LY75: variants seen among roughly 807,000 people sequenced by gnomAD.
The protein encoded by LY75 is lymphocyte antigen 75, also known as C-type lectin domain family 13 member B.
LY75 carries 185 observed loss-of-function variants against 231.7 expected under a neutral mutation model. The ratio of observed to expected loss-of-function variants is 0.80; its 90% CI spans 0.71 to 0.90. The LOEUF (loss-of-function observed/expected upper bound fraction) is 0.90. Ranked by LOEUF, LY75 falls within the 40% of genes least tolerant of loss-of-function variation. The probability of loss-of-function intolerance (pLI) is 0.00; values close to 1 mark genes in which losing one functional copy is unlikely to be tolerated. For synonymous variants in LY75, 668 were observed against 689.0 expected (o/e 0.97, Z 0.48); for missense variants, 1,947 against 2,050.2 (o/e 0.95, Z 0.97).
intron 17 of LY75, 116 bp from the exon 18 acceptor site, chr2:159,854,651 G>A: frequency 7.7e-7 from 1 of 1,292,392 alleles, no homozygotes; most frequent in Non-Finnish European, 1.1e-6. Context: ...GGCCCTCTCT[G>A]GCTGGGGCAG....
intron 12 of LY75, among the ~76,000 whole-genome samples, chr2:159,874,073 AAT>A (rs1330984774): frequency 7.8e-5 from 5 of 64,106 alleles, no homozygotes; most frequent in East Asian, 8.0e-4. Flanking sequence ...ATTTTGTAAA[AAT>A]ATATAAACGT....
intron 1 of LY75, among the ~76,000 whole-genome samples, chr2:159,899,713 C>T (rs1686015891): frequency 6.6e-6 from 1 of 152,180 alleles, no homozygotes; most frequent in Non-Finnish European, 1.5e-5. Flanking sequence ...TTCTTAAAGA[C>T]CACTTCCCCC....
At position 159,831,768 on chromosome 2, in the gene LY75, A is replaced by G; in HGVS notation, c.3860T>C (p.Leu1287Pro). Residue 1287 changes from leucine (L) to proline (P), a missense_variant, in exon 28 of 35, where the codon CTG becomes CCG. Transcript: ENST00000263636. ...ATTCTCCTTTTCATCTCGAATACTC[A>G]GAATATGTGATTTTGGATCTGTTGA... ...CQKLNPKSHILSIRDEKENNF... is the reference protein window; with the variant it reads ...CQKLNPKSHIPSIRDEKENNF... The G allele has an allele frequency of 6.2e-7, 1 of 1,608,680 alleles. No individual in the cohort carries two copies. The highest frequency in any genetic ancestry group is 8.5e-7 in the Non-Finnish European group (1 of 1,178,300).
intron 28 of LY75, among the ~76,000 whole-genome samples, chr2:159,825,437 A>T (rs1683431485): frequency 6.6e-6 from 1 of 152,232 alleles, no homozygotes; most frequent in Admixed American, 6.5e-5. Context: ...ATAAGCCAAT[A>T]ACAAGTTCTG....
chr2:159,860,882 G>C lies in LY75; in HGVS notation c.2207C>G (p.Thr736Ser). The change falls in exon 15 of 35, where the codon ACT becomes AGT. Residue 736 changes from threonine (T) to serine (S), a missense_variant. By Grantham distance (58) the Thr-to-Ser change is moderately conservative. Coordinates refer to ENST00000263636, the MANE Select transcript of LY75 (RefSeq NM_002349.4). Reference protein sequence around the residue: ...WQWSDRTPVSTIIMPNEFQQD... With the variant: ...WQWSDRTPVSSIIMPNEFQQD... ...CTGAAACTCATTTGGCATGATAATAGTAGACACCTGAAAAGACAAGAGAGG... is the reference window on the plus strand; with the variant it reads ...CTGAAACTCATTTGGCATGATAATACTAGACACCTGAAAAGACAAGAGAGG... The C allele has an allele frequency of 6.2e-7, 1 of 1,613,922 alleles. No homozygotes were observed. The highest frequency in any genetic ancestry group is 1.1e-5 in the South Asian group (1 of 91,080).
intron 6 of LY75, among the ~76,000 whole-genome samples, chr2:159,882,525 A>G (rs77271468): frequency 0.047 from 7,095 of 152,316 alleles, 220 homozygotes; most frequent in Non-Finnish European, 0.075. Flanking sequence ...TCAGAAAATG[A>G]TGTGACTTTA....
chr2:159,827,262 A>G (rs577418801), intron 28 of LY75, among the ~76,000 whole-genome samples: 10 of 152,358 alleles, frequency 6.6e-5, no homozygotes, highest in Non-Finnish European at 1.3e-4. Context: ...CAAATTTACA[A>G]GAAAAAAACA....
chr2:159,843,164 C>T (rs190490420), intron 23 of LY75, among the ~76,000 whole-genome samples: 3 of 151,290 alleles, frequency 2.0e-5, no homozygotes, highest in Admixed American at 1.3e-4. Context: ...AAAACAGAAC[C>T]CCACGAAAAA....
At chr2:159,890,614 C>G (rs1159394168) in intron 3 of LY75, among the ~76,000 whole-genome samples, 2 of 152,082 alleles carry the variant, frequency 1.3e-5, no homozygotes, top group African/African-American at 4.8e-5. Flanking sequence ...CCTTTTATCC[C>G]TATCAATTAC....
At chr2:159,840,014 A>AAAAAAAAAAAAAAAAAG (rs551332613) in intron 25 of LY75, among the ~76,000 whole-genome samples, 4 of 149,540 alleles carry the variant, frequency 2.7e-5, no homozygotes, top group Non-Finnish European at 5.9e-5. Flanking sequence ...TCAAAAAAAA[A>AAAAAAAAAAAAAAAAAG]AAAAAGAAAA....
At position 159,886,475 on chromosome 2, in the gene LY75, A is replaced by G. The variant is rs746549501; in HGVS notation, c.858T>C (p.Ala286=). The G allele has an allele frequency of 6.2e-7, 1 of 1,611,824 alleles. No individual in the cohort carries two copies. Among genetic ancestry groups the G allele is most frequent in the East Asian group, 2.2e-5 (1 of 44,858 alleles). ...TGTGGTCTGACCATTCCCAGCCTCT[A>G]GCAGAGTATAGCTGATTTAAACCAA... The part of the protein sequence containing the change: ...FWIGLNQLYS[A]RGWEWSDHKP... Residue 286 remains alanine (A), a synonymous_variant, in exon 5 of 35, where the codon GCT becomes GCC. Transcript: ENST00000263636.
Position 159,805,288 on chromosome 2 carries a change from A to T in LY75, c.4991-66T>A. ...AAAGTGATCATTATTGATTTTATACATTATGGGTTGTGTCACACATGTAAA... is the reference window on the plus strand; with the variant it reads ...AAAGTGATCATTATTGATTTTATACTTTATGGGTTGTGTCACACATGTAAA... On this transcript the variant is annotated intron_variant, in intron 34 of 34. Transcript: ENST00000263636. The T allele has an allele frequency of 3.2e-6, 4 of 1,244,194 alleles. No homozygotes were observed. In the South Asian group the frequency reaches 3.8e-5, roughly 12 times the overall value. The allele number at this position is 1,244,194 out of a possible 1,614,324, so 77.1% of individuals were successfully genotyped here.
intron 23 of LY75, among the ~76,000 whole-genome samples, chr2:159,844,256 A>C (rs1684128762): frequency 1.3e-5 from 2 of 152,018 alleles, no homozygotes; most frequent in South Asian, 4.1e-4. Context: ...CAGATTTTAC[A>C]ACAAGAATGT....
intron 14 of LY75, among the ~76,000 whole-genome samples, chr2:159,863,992 T>A (rs1684787450): frequency 6.6e-6 from 1 of 152,212 alleles, no homozygotes; most frequent in African/African-American, 2.4e-5. Context: ...AGCCTAGATG[T>A]GTAGCCTATG....
Position 159,810,614 on chromosome 2 carries a change from T to C in LY75, c.4611A>G (p.Ser1537=), listed in dbSNP as rs1379093806. 3.1e-6 allele frequency: 5 copies of C among 1,614,054 alleles called. No individual in the cohort carries two copies. The highest frequency in any genetic ancestry group is 4.2e-6 in the Non-Finnish European group (5 of 1,180,020). ...AGTGACCCTTGTACTGGATCCACCG[T>C]GACCCATTCTCTTTTGCTGCTGGAC... is the stretch of plus-strand genomic sequence containing the variant. The part of the protein sequence containing the change: ...SRCPAAKENG[S]RWIQYKGHCY... Residue 1537 remains serine (S), a synonymous_variant, in exon 32 of 35, where the codon TCA becomes TCG. Coordinates refer to ENST00000263636, the MANE Select transcript of LY75 (RefSeq NM_002349.4).
intron 2 of LY75, 37 bp from the exon 3 acceptor site, chr2:159,894,121 A>C (rs1482742167): frequency 6.4e-7 from 1 of 1,558,490 alleles, no homozygotes. Context: ...AGAGAGTTAA[A>C]AACTGGGTAG....
chr2:159,867,898 A>C (rs1344527198), intron 13 of LY75, among the ~76,000 whole-genome samples: 1 of 152,148 alleles, frequency 6.6e-6, no homozygotes, highest in African/African-American at 2.4e-5. Flanking sequence ...TTTTCACTGA[A>C]ATACAAATAG....
intron 27 of LY75, among the ~76,000 whole-genome samples, chr2:159,832,608 A>G (rs1285797578): frequency 6.6e-6 from 1 of 152,206 alleles, no homozygotes; most frequent in East Asian, 1.9e-4. Context: ...AAAGATCTAC[A>G]TGGATTTTAA....
At chr2:159,874,751 T>A (rs1424201951) in intron 12 of LY75, among the ~76,000 whole-genome samples, 2 of 101,274 alleles carry the variant, frequency 2.0e-5, no homozygotes, top group African/African-American at 3.7e-5. Flanking sequence ...ATATATATAT[T>A]TTGTAAATAT....
Sources: allele counts gnomAD v4.1 joint callset (sites outside exome capture counted in the v4.1 genomes callset), GRCh38; gene constraint gnomAD v4.1.1; transcripts MANE v1.5; gene names NCBI Gene and HGNC (gene_info 2026-07-23, HGNC 2026-07-21).